KIF26B: variants seen among roughly 807,000 people sequenced by gnomAD.
The protein encoded by KIF26B is kinesin-like protein KIF26B.
A neutral mutation model predicts 151.2 loss-of-function variants in KIF26B; 63 were observed. That is an observed-to-expected ratio of 0.42 (90% CI 0.34 to 0.51). KIF26B has a LOEUF of 0.51. Among genes scored for constraint, KIF26B ranks in the 20% least tolerant of loss-of-function variants. The probability of loss-of-function intolerance (pLI) is 0.07; values close to 1 mark genes in which losing one functional copy is unlikely to be tolerated. For missense variants in KIF26B, 2,813 were observed against 2,913.6 expected, an observed-to-expected ratio of 0.97 and a Z score of 0.79; for synonymous variants, 1,357 against 1,262.1, an observed-to-expected ratio of 1.08 and a Z score of -1.59.
chr1:245,239,759 G>A lies in KIF26B; in HGVS notation c.465+83076G>A, dbSNP rs1462237549. Reference sequence around the variant, plus strand: ...ACCTCAGGTGATCTGGCCTCCCAGAGTGCTGGGATTACAGGCATGAGCCAT... The same window carrying A: ...ACCTCAGGTGATCTGGCCTCCCAGAATGCTGGGATTACAGGCATGAGCCAT... On this transcript the variant is annotated intron_variant, in intron 2 of 14. Transcript: ENST00000407071. This position sits in a 1 kb window ranked among gnomAD's most constrained non-coding sequence, Gnocchi z 4.3. Among the ~76,000 whole-genome samples the A allele has an allele frequency of 6.6e-6, 1 of 152,092 alleles. No homozygotes were observed. The highest frequency in any genetic ancestry group is 1.5e-5 in the Non-Finnish European group (1 of 68,028).
intron 2 of KIF26B, among the ~76,000 whole-genome samples, chr1:245,252,980 C>T (rs1011974437): frequency 6.6e-6 from 1 of 151,258 alleles, no homozygotes; most frequent in African/African-American, 2.4e-5. Flanking sequence ...GTTTTCTCTA[C>T]ATCCATTGAG....
At chr1:245,376,161 C>T (rs1673268257) in intron 3 of KIF26B, among the ~76,000 whole-genome samples, 2 of 152,114 alleles carry the variant, frequency 1.3e-5, no homozygotes, top group South Asian at 4.1e-4. Context: ...TTGCTAGAGG[C>T]CTTTTGATCT....
rs1553332272 is a variant in KIF26B at position 245,184,050 on chromosome 1, G to GTTTTTTGTTTTTTTTTTTTTT, written c.465+27373_465+27374insGTTTTTTTTTTTTTTTTTTTT. On this transcript the variant is annotated intron_variant, in intron 2 of 14. Coordinates refer to ENST00000407071, the MANE Select transcript of KIF26B (RefSeq NM_018012.4). ...GCAACAGGTATGGGTGGGAGTTGTT[G>GTTTTTTGTTTTTTTTTTTTTT]TTTTTTTTTTTTTTTTTTTGAGCTT... Among the ~76,000 whole-genome samples, 96 of 19,806 alleles carry GTTTTTTGTTTTTTTTTTTTTT rather than the reference G, an allele frequency of 4.8e-3. 10 individuals are homozygous for GTTTTTTGTTTTTTTTTTTTTT. The highest frequency in any genetic ancestry group is 9.8e-3 in the African/African-American group (65 of 6,612). The allele number at this position is 19,806 out of a possible 152,430, so 13.0% of individuals were successfully genotyped here. A position where few individuals can be genotyped will look rare whatever the true frequency, so the allele number is the denominator to read the frequency against.
At chr1:245,254,130 T>C (rs1313448613) in intron 2 of KIF26B, among the ~76,000 whole-genome samples, 1 of 152,132 alleles carries the variant, frequency 6.6e-6, no homozygotes, top group Non-Finnish European at 1.5e-5. Flanking sequence ...TTTTTTTCTT[T>C]AACATTATGG....
At chr1:245,537,857 A>G (rs1661520415) in intron 4 of KIF26B, among the ~76,000 whole-genome samples, 1 of 152,240 alleles carries the variant, frequency 6.6e-6, no homozygotes, top group Admixed American at 6.5e-5. Flanking sequence ...AAGGATTTCC[A>G]GAGAGGGATC....
chr1:245,492,505 G>T (rs533198516), intron 4 of KIF26B, among the ~76,000 whole-genome samples: 99 of 152,302 alleles, frequency 6.5e-4, no homozygotes, highest in Non-Finnish European at 1.3e-3. Context: ...GGTAAATTGG[G>T]CTAAAACAAA....
chr1:245,685,820 C>G lies in KIF26B; in HGVS notation c.2837C>G (p.Pro946Arg). Residue 946 changes from proline to arginine, a missense_variant, in exon 12 of 15, where the codon CCT (proline) becomes CGT (arginine). Coordinates refer to ENST00000407071, the MANE Select transcript of KIF26B (RefSeq NM_018012.4). The part of the protein sequence containing the change: ...IDGSEEPSSF[P>R]FEELPAQFGP... ...GGCAGCGAGGAGCCCAGCAGCTTTC[C>G]TTTCGAAGAACTGCCTGCTCAGTTT... The G allele has an allele frequency of 6.2e-7, 1 of 1,610,872 alleles. No homozygotes were observed. The highest frequency in any genetic ancestry group is 8.5e-7 in the Non-Finnish European group (1 of 1,178,422).
chr1:245,247,327 G>A (rs986372799), intron 2 of KIF26B, among the ~76,000 whole-genome samples: 1 of 151,674 alleles, frequency 6.6e-6, no homozygotes, highest in Non-Finnish European at 1.5e-5. Flanking sequence ...GCGTGGTGGT[G>A]CTCACCTATA....
chr1:245,552,279 C>T (rs148558240), intron 5 of KIF26B, among the ~76,000 whole-genome samples: 69 of 151,910 alleles, frequency 4.5e-4, no homozygotes, highest in African/African-American at 1.4e-3. Flanking sequence ...AGTCCAAAGG[C>T]GGGCAGCCGA....
intron 4 of KIF26B, among the ~76,000 whole-genome samples, chr1:245,522,501 T>C (rs1377030515): frequency 1.3e-5 from 2 of 152,284 alleles, no homozygotes; most frequent in African/African-American, 4.8e-5. Flanking sequence ...AACTACCAAG[T>C]AAGTAATTGC....
intron 12 of KIF26B, among the ~76,000 whole-genome samples, chr1:245,695,693 G>C (rs537329095): frequency 1.3e-5 from 2 of 152,116 alleles, no homozygotes; most frequent in Admixed American, 6.5e-5. Context: ...GTAGATACCC[G>C]CCAGGATATT....
intron 5 of KIF26B, among the ~76,000 whole-genome samples, chr1:245,581,729 AC>A (rs1178629692): frequency 6.6e-6 from 1 of 152,062 alleles, no homozygotes; most frequent in African/African-American, 2.4e-5. Flanking sequence ...ATATCACTTT[AC>A]CTTTCTGGGT....
intron 2 of KIF26B, among the ~76,000 whole-genome samples, chr1:245,308,903 C>G (rs1179083589): frequency 6.6e-6 from 1 of 152,114 alleles, no homozygotes; most frequent in Non-Finnish European, 1.5e-5. Context: ...CTGGAAGTAC[C>G]CTACAGACTG....
chr1:245,448,871 G>A (rs912948068), intron 4 of KIF26B, among the ~76,000 whole-genome samples: 13 of 152,170 alleles, frequency 8.5e-5, no homozygotes, highest in African/African-American at 3.1e-4. Flanking sequence ...GAACATCTAT[G>A]GAGTCCAGAT....
intron 3 of KIF26B, among the ~76,000 whole-genome samples, chr1:245,370,964 G>A (rs538852185): frequency 1.3e-5 from 2 of 152,214 alleles, no homozygotes; most frequent in Non-Finnish European, 2.9e-5. Flanking sequence ...CAGAAGGCAG[G>A]TGAGTGCAGA....
At chr1:245,440,495 G>A (rs1210032132) in intron 4 of KIF26B, among the ~76,000 whole-genome samples, 1 of 152,184 alleles carries the variant, frequency 6.6e-6, no homozygotes, top group African/African-American at 2.4e-5. Flanking sequence ...TACCGACTGA[G>A]AATATAAATC....
intron 5 of KIF26B, among the ~76,000 whole-genome samples, chr1:245,559,965 C>A (rs1282055095): frequency 6.6e-6 from 1 of 152,090 alleles, no homozygotes; most frequent in East Asian, 1.9e-4. Context: ...GACGTGCCTC[C>A]CGTGCCTCCC....
At chr1:245,547,387 C>A (rs1019232849) in intron 5 of KIF26B, among the ~76,000 whole-genome samples, 9 of 151,584 alleles carry the variant, frequency 5.9e-5, no homozygotes, top group Admixed American at 5.9e-4. Flanking sequence ...AAGTTCGAGA[C>A]CAGCCTGGCC....
Position 245,540,995 on chromosome 1 carries a change from T to G in KIF26B, c.1350+45T>G. On this transcript the variant is annotated intron_variant, in intron 5 of 14. Transcript: ENST00000407071. This position sits in a 1 kb window ranked among gnomAD's most constrained non-coding sequence, Gnocchi z 4.6. ...CTGCCATTTGCCCAGTGTGCGAGGT[T>G]CTGGATCAAGTTTCAGGAGGAAGAA... is the stretch of plus-strand genomic sequence containing the variant. 1 of 1,525,618 alleles carries G rather than the reference T, an allele frequency of 6.6e-7. No homozygotes were observed. The highest frequency in any genetic ancestry group is 8.9e-7 in the Non-Finnish European group (1 of 1,126,134). The allele number at this position is 1,525,618 out of a possible 1,614,324, so 94.5% of individuals were successfully genotyped here.
Sources: gnomAD v4.1 joint callset for allele counts (sites outside exome capture counted in the v4.1 genomes callset) on GRCh38, gnomAD v4.1.1 for gene constraint, Gnocchi (gnomAD v3.1) non-coding constraint, MANE v1.5 for transcripts, NCBI Gene and HGNC (gene_info 2026-07-23, HGNC 2026-07-21) for gene names.